Variants in SPTLC3 observed in about 807,000 individuals in gnomAD.
SPTLC3 encodes serine palmitoyltransferase long chain base subunit 3, also known as serine palmitoyltransferase 3.
A neutral mutation model predicts 59.3 loss-of-function variants in SPTLC3; 36 were observed. The observed-to-expected ratio is 0.61, with a 90% CI of 0.47 to 0.80. The LOEUF is 0.80. Among genes scored for constraint, SPTLC3 ranks in the 30% least tolerant of loss-of-function variants. SPTLC3 has a pLI of 0.00. For missense variants in SPTLC3, 625 were observed against 685.1 expected, an observed-to-expected ratio of 0.91 and a Z score of 0.98; for synonymous variants, 257 against 240.8, an observed-to-expected ratio of 1.07 and a Z score of -0.62.
chr20:13,158,647 G>A lies in SPTLC3; in HGVS notation c.1416-1356G>A, dbSNP rs73087768. ...GAGAAAGAACAGCCTCTGTTTTCAA[G>A]CTTTCTCAGCTAGAAAGCTTCATCT... is the stretch of plus-strand genomic sequence containing the variant. On this transcript the variant is annotated intron_variant, in intron 10 of 11. Transcript: ENST00000399002. Among the ~76,000 whole-genome samples the A allele has an allele frequency of 4.6e-3, 706 of 152,288 alleles. 5 individuals are homozygous for A. The highest frequency in any genetic ancestry group is 8.1e-3 in the Non-Finnish European group (550 of 68,020).
At chr20:13,040,420 G>A (rs550007289) in intron 1 of SPTLC3, among the ~76,000 whole-genome samples, 5 of 151,566 alleles carry the variant, frequency 3.3e-5, no homozygotes, top group East Asian at 1.9e-4. Flanking sequence ...GTGCAGTGGC[G>A]CAATCTCGGC....
intron 4 of SPTLC3, among the ~76,000 whole-genome samples, chr20:13,082,856 C>G (rs1037146288): frequency 5.9e-5 from 9 of 152,174 alleles, no homozygotes; most frequent in African/African-American, 2.2e-4. Flanking sequence ...ACATCGGCAC[C>G]TGTGTATATC....
chr20:13,143,162 G>C (rs569099166), intron 9 of SPTLC3, among the ~76,000 whole-genome samples: 2 of 152,232 alleles, frequency 1.3e-5, no homozygotes, highest in African/African-American at 4.8e-5. Flanking sequence ...CATGTCTTGG[G>C]CACCAAAAAG....
At chr20:13,042,652 C>T (rs954427564) in intron 1 of SPTLC3, among the ~76,000 whole-genome samples, 1 of 152,110 alleles carries the variant, frequency 6.6e-6, no homozygotes, top group African/African-American at 2.4e-5. Flanking sequence ...CAAAGAAATA[C>T]CATAACCCTT....
In SPTLC3 at chr20:13,051,723, A is replaced by G. The variant is rs558455993; in HGVS notation, c.303+2593A>G. ...GACTCAATAAATTTAGGAAAATTGA[A>G]ATAATATCAAGCACTCTCTCAGGCC... On this transcript the variant is annotated intron_variant, in intron 2 of 11. Transcript: ENST00000399002. Among the ~76,000 whole-genome samples, 8 of 152,314 alleles carry G rather than the reference A, an allele frequency of 5.3e-5. No individual in the cohort carries two copies. In the East Asian group the frequency reaches 1.5e-3, roughly 29 times the overall value.
At chr20:13,110,030 A>G (rs1479528929) in intron 6 of SPTLC3, 82 bp from the exon 7 acceptor site, 1 of 1,231,392 alleles carries the variant, frequency 8.1e-7, no homozygotes, top group African/African-American at 1.5e-5. Flanking sequence ...GAGTGTGAAC[A>G]TAAAACATCT....
chr20:13,092,408 A>C (rs951252095), intron 5 of SPTLC3, among the ~76,000 whole-genome samples: 3 of 152,266 alleles, frequency 2.0e-5, no homozygotes, highest in Admixed American at 2.0e-4. Flanking sequence ...AACTACATGC[A>C]ATGTATGGTC....
At chr20:13,161,298 G>T (rs2038891370) in intron 11 of SPTLC3, among the ~76,000 whole-genome samples, 1 of 152,168 alleles carries the variant, frequency 6.6e-6, no homozygotes, top group Non-Finnish European at 1.5e-5. Context: ...TGGGGGAATA[G>T]AATGAGCTCA....
intron 6 of SPTLC3, among the ~76,000 whole-genome samples, chr20:13,101,747 T>C (rs1301197488): frequency 6.6e-6 from 1 of 152,122 alleles, no homozygotes; most frequent in Non-Finnish European, 1.5e-5. Context: ...ACTTGGGGGC[T>C]CTTGTTAAAA....
chr20:13,093,198 C>G (rs1308767823), intron 5 of SPTLC3, among the ~76,000 whole-genome samples: 8 of 152,206 alleles, frequency 5.3e-5, no homozygotes, highest in African/African-American at 1.7e-4. Context: ...ACACTTTAGG[C>G]TCTACCTGGT....
intron 4 of SPTLC3, among the ~76,000 whole-genome samples, chr20:13,080,581 A>G (rs1988808620): frequency 1.3e-5 from 2 of 151,538 alleles, no homozygotes; most frequent in Admixed American, 1.3e-4. Context: ...TCATTATCAC[A>G]TCACCCCAAA....
At chr20:13,103,825 G>C (rs898829396) in intron 6 of SPTLC3, among the ~76,000 whole-genome samples, 1 of 152,234 alleles carries the variant, frequency 6.6e-6, no homozygotes, top group African/African-American at 2.4e-5. Flanking sequence ...GTATGCAACA[G>C]TGTTGCCATT....
At chr20:13,126,456 T>G (rs575579526) in intron 8 of SPTLC3, 135 bp from the exon 9 acceptor site, 13 of 1,007,540 alleles carry the variant, frequency 1.3e-5, no homozygotes, top group Admixed American at 2.7e-5. Context: ...CCATTGAAAG[T>G]TGGACCCCAT....
intron 2 of SPTLC3, among the ~76,000 whole-genome samples, chr20:13,057,582 C>G (rs1430694691): frequency 6.6e-6 from 1 of 152,108 alleles, no homozygotes; most frequent in Non-Finnish European, 1.5e-5. Flanking sequence ...TCTGATCATC[C>G]TCTTTATCTG....
chr20:13,059,747 A>G (rs910907810), intron 2 of SPTLC3, among the ~76,000 whole-genome samples: 4 of 152,110 alleles, frequency 2.6e-5, no homozygotes, highest in African/African-American at 9.7e-5. Flanking sequence ...CCACCCCCAC[A>G]AACTCCACCC....
At chr20:13,112,516 G>A (rs1305978686) in intron 7 of SPTLC3, among the ~76,000 whole-genome samples, 1 of 152,146 alleles carries the variant, frequency 6.6e-6, no homozygotes, top group Non-Finnish European at 1.5e-5. Context: ...CCTACCCCCT[G>A]ATGGAGGATC....
chr20:13,067,681 T>A (rs528939806), intron 2 of SPTLC3, among the ~76,000 whole-genome samples: 1 of 152,214 alleles, frequency 6.6e-6, no homozygotes, highest in Admixed American at 6.5e-5. Flanking sequence ...AAAATTTAAA[T>A]TTAGCCATCT....
At chr20:13,091,525 A>T (rs1306670790) in intron 5 of SPTLC3, among the ~76,000 whole-genome samples, 1 of 151,598 alleles carries the variant, frequency 6.6e-6, no homozygotes, top group Non-Finnish European at 1.5e-5. Context: ...ATGAGCCGAG[A>T]TCGGGCCACT....
intron 8 of SPTLC3, among the ~76,000 whole-genome samples, chr20:13,119,943 C>A (rs1315535335): frequency 6.6e-6 from 1 of 152,220 alleles, no homozygotes; most frequent in African/African-American, 2.4e-5. Flanking sequence ...GGCTTCCTTT[C>A]GGCTTAATGA....
Sources: allele counts gnomAD v4.1 joint callset (sites outside exome capture counted in the v4.1 genomes callset), GRCh38; gene constraint gnomAD v4.1.1; transcripts MANE v1.5; gene names NCBI Gene and HGNC (gene_info 2026-07-23, HGNC 2026-07-21).